Variants in ARFGAP2 observed in about 807,000 individuals in gnomAD.
ARFGAP2 encodes the protein ARF GTPase activating protein 2, also known as ADP-ribosylation factor GTPase-activating protein 2.
ARFGAP2 carries 45 observed loss-of-function variants against 71.9 expected under a neutral mutation model. That is an observed-to-expected ratio of 0.63 (90% CI 0.49 to 0.80). The LOEUF is 0.80. Among genes scored for constraint, ARFGAP2 ranks in the 30% least tolerant of loss-of-function variants. ARFGAP2 has a pLI of 0.00. For missense variants in ARFGAP2, 633 were observed against 673.9 expected (o/e 0.94, Z 0.67); for synonymous variants, 248 against 249.2 (o/e 1.00, Z 0.05).
Position 47,164,464 on chromosome 11 carries a change from G to C in ARFGAP2, c.*1018C>G. 1 of 460,912 alleles carries C rather than the reference G, an allele frequency of 2.2e-6. No individual in the cohort carries two copies. The highest frequency in any genetic ancestry group is 3.7e-6 in the Non-Finnish European group (1 of 269,176). The allele number at this position is 460,912 out of a possible 1,614,324, so 28.6% of individuals were successfully genotyped here. A position where few individuals can be genotyped will look rare whatever the true frequency, so the allele number is the denominator to read the frequency against. ...AGCCCAACCTACAACCCAAAGGTGG[G>C]GGCTGGGCTGAGACTGCCGGTGCGG... On this transcript the variant is annotated 3_prime_UTR_variant, in exon 16 of 16. Coordinates refer to ENST00000524782, the MANE Select transcript of ARFGAP2 (RefSeq NM_032389.6).
chr11:47,175,530 C>G, intron 3 of ARFGAP2: 1 of 714,058 alleles, frequency 1.4e-6, no homozygotes, highest in South Asian at 1.7e-5. Flanking sequence ...GTCCAGGCCC[C>G]ACTGAACGCT....
Position 47,168,183 on chromosome 11 carries a change from G to C in ARFGAP2, c.1010C>G (p.Ser337Cys), listed in dbSNP as rs772459221. The change falls in exon 11 of 16, where the codon TCC (serine) becomes TGC (cysteine). Residue 337 changes from serine to cysteine, a missense_variant. Coordinates refer to ENST00000524782, the MANE Select transcript of ARFGAP2 (RefSeq NM_032389.6). ...IEQETPVSAKSSRSQLDLFDD... is the reference protein window; with the variant it reads ...IEQETPVSAKCSRSQLDLFDD... The stretch of plus-strand genomic sequence containing the variant: ...AAACAAGTCCAGCTGCGAGCGAGAG[G>C]ATTTTGCACTCACTGGGGTTTCCTG... 4.3e-6 allele frequency: 7 copies of C among 1,614,110 alleles called. No homozygotes were observed. The highest frequency in any genetic ancestry group is 4.0e-5 in the African/African-American group (3 of 74,938).
chr11:47,172,665 G>A (rs1018151094), intron 7 of ARFGAP2: 1 of 1,320,692 alleles, frequency 7.6e-7, no homozygotes, highest in African/African-American at 1.5e-5. Flanking sequence ...TCTAAAGCAG[G>A]AAGCTGAGAA....
In ARFGAP2 at chr11:47,168,238, A is replaced by G. The variant is rs1213234918; in HGVS notation, c.955T>C (p.Ser319Pro). ...GLVSRSSVSH[S>P]VLSEMQVIEQ... ...ATCACCTGCATCTCAGACAGCACGG[A>G]GTGGGAGACAGAGCTGCGCAGCAAA... The change falls in exon 11 of 16, where the codon TCC (serine) becomes CCC (proline). Residue 319 changes from serine (S) to proline (P), a missense_variant. By Grantham distance (74) the Ser-to-Pro change is moderately conservative. Coordinates refer to ENST00000524782, the MANE Select transcript of ARFGAP2 (RefSeq NM_032389.6). The G allele has an allele frequency of 6.2e-7, 1 of 1,614,182 alleles. No homozygotes were observed. The highest frequency in any genetic ancestry group is 2.2e-5 in the East Asian group (1 of 44,888).
intron 3 of ARFGAP2, 193 bp from the exon 4 acceptor site, chr11:47,175,506 C>G: frequency 1.2e-6 from 1 of 826,252 alleles, no homozygotes; most frequent in Non-Finnish European, 1.9e-6. Context: ...GGGCCATCCT[C>G]TGATATGACT....
At position 47,175,289 on chromosome 11, in the gene ARFGAP2, A is replaced by T; in HGVS notation, c.289T>A (p.Cys97Ser). 3.1e-6 allele frequency: 5 copies of T among 1,614,132 alleles called. No homozygotes were observed. Among genetic ancestry groups the T allele is most frequent in the Non-Finnish European group, 4.2e-6 (5 of 1,180,024 alleles). ...TTGGTGTTGGCATCATTGGCTGTGC[A>T]TCCATGTTGGCGAAAAAAAGCCGTC... The part of the protein sequence containing the change: ...NATAFFRQHG[C>S]TANDANTKYN... The change falls in exon 4 of 16, where the codon TGC becomes AGC. Residue 97 changes from cysteine to serine, a missense_variant. Transcript: ENST00000524782.
rs986989003 is a variant in ARFGAP2 at position 47,165,336 on chromosome 11, A to C, written c.*146T>G. The C allele has an allele frequency of 3.1e-6, 3 of 971,564 alleles. No individual in the cohort carries two copies. Among genetic ancestry groups the C allele is most frequent in the Non-Finnish European group, 4.5e-6 (3 of 668,200 alleles). The allele number at this position is 971,564 out of a possible 1,614,324, so 60.2% of individuals were successfully genotyped here. ...ACTGACCATTCCCCTCACAGGAGTGAGCGCCTCAAAGGCCACCCCACACAC... is the reference window on the plus strand; with the variant it reads ...ACTGACCATTCCCCTCACAGGAGTGCGCGCCTCAAAGGCCACCCCACACAC... On this transcript the variant is annotated 3_prime_UTR_variant, in exon 16 of 16. Transcript: ENST00000524782.
intron 7 of ARFGAP2, chr11:47,172,652 G>T: frequency 7.5e-7 from 1 of 1,325,818 alleles, no homozygotes. Context: ...ACCAGGCTCC[G>T]CTTCTAAAGC....
At position 47,164,440 on chromosome 11, in the gene ARFGAP2, G is replaced by A; in HGVS notation, c.*1042C>T. 5.0e-6 allele frequency: 3 copies of A among 596,900 alleles called. No individual in the cohort carries two copies. The highest frequency in any genetic ancestry group is 1.9e-5 in the African/African-American group (1 of 52,534). 37.0% of individuals were successfully genotyped at this position (596,900 alleles called of 1,614,324 possible). On this transcript the variant is annotated 3_prime_UTR_variant, in exon 16 of 16. Transcript: ENST00000524782. ...GAAGAGTGGTCTGTGTTGCTTGGGA[G>A]CCCAACCTACAACCCAAAGGTGGGG...
rs539915426 is a variant in ARFGAP2, at chr11:47,171,760, C to T, written c.713G>A (p.Ser238Asn). 1.1e-4 allele frequency: 172 copies of T among 1,614,014 alleles called. No individual in the cohort carries two copies. The South Asian group carries it at 1.8e-3, about 17-fold the overall frequency. ...KKGLGAQKVS[S>N]QSFSEIERQA... ...CCGCTCAATCTCACTGAAGCTCTGG[C>T]TGCTCACCTTCTGGGCCCCTAGGCC... The change falls in exon 9 of 16, where the codon AGC becomes AAC. Residue 238 changes from serine to asparagine, a missense_variant. Ser to Asn is a conservative substitution (Grantham distance 46, BLOSUM62 1). Transcript: ENST00000524782.
intron 6 of ARFGAP2, 128 bp from the exon 7 acceptor site, chr11:47,173,610 C>A: frequency 7.2e-7 from 1 of 1,396,798 alleles, no homozygotes; most frequent in East Asian, 2.5e-5. Flanking sequence ...GGAATATCTA[C>A]CACTTCCTCC....
rs1206105635 is a variant in ARFGAP2 at position 47,176,791 on chromosome 11, T to C, written c.63A>G (p.Pro21=). 1.2e-6 allele frequency: 2 copies of C among 1,614,010 alleles called. No homozygotes were observed. Among genetic ancestry groups the C allele is most frequent in the Non-Finnish European group, 1.7e-6 (2 of 1,180,026 alleles). ...CCCCCTGCTCACGCACCTTGTTGGT[T>C]GGAACTGCGCGAAGCCTCTTAAAAA... is the stretch of plus-strand genomic sequence containing the variant. The part of the protein sequence containing the change: ...QTLFKRLRAV[P]TNKACFDCGA... The change falls in exon 1 of 16, where the codon CCA becomes CCG. Residue 21 remains proline, a synonymous_variant. Transcript: ENST00000524782.
chr11:47,170,265 A>G (rs982983492), intron 10 of ARFGAP2, among the ~76,000 whole-genome samples: 3 of 145,756 alleles, frequency 2.1e-5, no homozygotes, highest in African/African-American at 5.1e-5. Flanking sequence ...CGGAGGCTGC[A>G]GTGGGCTGAG....
chr11:47,167,832 T>C, intron 12 of ARFGAP2, 77 bp downstream of exon 12: 1 of 1,476,504 alleles, frequency 6.8e-7, no homozygotes, highest in African/African-American at 1.4e-5. Flanking sequence ...TTCTAGACAG[T>C]GCTGCCTTAG....
chr11:47,165,935 T>C (rs1174906180), intron 15 of ARFGAP2, among the ~76,000 whole-genome samples: 1 of 152,096 alleles, frequency 6.6e-6, no homozygotes, highest in African/African-American at 2.4e-5. Context: ...TGCAGTGGCA[T>C]GATCTCAGCT....
chr11:47,169,978 C>A (rs1300705243), intron 10 of ARFGAP2, among the ~76,000 whole-genome samples: 4 of 152,136 alleles, frequency 2.6e-5, no homozygotes, highest in African/African-American at 7.2e-5. Context: ...AGGAGGGAGA[C>A]CCAATGTCCT....
intron 10 of ARFGAP2, 92 bp downstream of exon 10, chr11:47,171,334 A>G (rs1317124020): frequency 2.6e-6 from 4 of 1,555,210 alleles, no homozygotes; most frequent in Non-Finnish European, 2.6e-6. Context: ...TGGAGAAACA[A>G]TAAGCCTAGC....
chr11:47,173,505 T>G, intron 6 of ARFGAP2, 23 bp from the exon 7 acceptor site: 1 of 1,545,422 alleles, frequency 6.5e-7, no homozygotes, highest in Non-Finnish European at 8.7e-7. Context: ...TGGTAGGAGT[T>G]AGAGATGAGC....
chr11:47,175,323 A>C lies in ARFGAP2; in HGVS notation c.265-10T>G, dbSNP rs116818981. 1.2e-6 allele frequency: 2 copies of C among 1,613,988 alleles called. No individual in the cohort carries two copies. Among genetic ancestry groups the C allele is most frequent in the Non-Finnish European group, 8.5e-7 (1 of 1,180,026 alleles). On this transcript the variant is annotated splice_polypyrimidine_tract_variant and intron_variant, in intron 3 of 15. Transcript: ENST00000524782. ...GGCGAAAAAAAGCCGTCTGGAGAGC[A>C]AAGAAGAGAGCAGCGCGTGCTACGG...
Sources: gnomAD v4.1 joint callset for allele counts (sites outside exome capture counted in the v4.1 genomes callset) on GRCh38, gnomAD v4.1.1 for gene constraint, MANE v1.5 for transcripts, NCBI Gene and HGNC (gene_info 2026-07-23, HGNC 2026-07-21) for gene names.